The following SSBP3 variants were observed in gnomAD, a reference collection of about 807,000 sequenced individuals.
The protein encoded by SSBP3 is single stranded DNA binding protein 3, also known as single-stranded DNA-binding protein 3.
Under a neutral mutation model 69.6 loss-of-function variants are expected in SSBP3, and 5 were observed. That is an observed-to-expected ratio of 0.07 (90% CI 0.04 to 0.15). The LOEUF (loss-of-function observed/expected upper bound fraction) is 0.15. Ranked by LOEUF, SSBP3 falls within the 10% of genes least tolerant of loss-of-function variation. SSBP3 has a pLI of 1.00. For missense variants in SSBP3, 312 were observed against 534.0 expected (o/e 0.58, Z 4.10); for synonymous variants, 196 against 193.4 (o/e 1.01, Z -0.11).
At chr1:54,251,048 G>T (rs899472426) in intron 9 of SSBP3, among the ~76,000 whole-genome samples, 3 of 152,234 alleles carry the variant, frequency 2.0e-5, no homozygotes, top group African/African-American at 7.2e-5. Flanking sequence ...GGGTGCTGGG[G>T]TCCTGCCAGC....
rs869039822 is a variant in SSBP3, at chr1:54,337,485, C to CTTT, written c.277-55961_277-55959dup. Reference sequence around the variant, plus strand: ...ACCAAAGCATTTTGTTTTCCTCAAGCTTTTTTTTTTTTTTTTTTTTTTTTT... The same window carrying CTTT: ...ACCAAAGCATTTTGTTTTCCTCAAGCTTTTTTTTTTTTTTTTTTTTTTTTTTTT... On this transcript the variant is annotated intron_variant, in intron 4 of 17. Transcript: ENST00000610401. Among the ~76,000 whole-genome samples the CTTT allele has an allele frequency of 5.7e-3, 291 of 51,168 alleles. 57 individuals are homozygous for CTTT. The highest frequency in any genetic ancestry group is 0.011 in the Admixed American group (36 of 3,142). The allele number at this position is 51,168 out of a possible 152,430, so 33.6% of individuals were successfully genotyped here.
chr1:54,330,581 A>G (rs1238940900), intron 4 of SSBP3, among the ~76,000 whole-genome samples: 1 of 152,146 alleles, frequency 6.6e-6, no homozygotes, highest in Non-Finnish European at 1.5e-5. Context: ...AGTACACCCT[A>G]GGTTCCTCAT....
At chr1:54,235,857 G>A (rs1644482884) in intron 14 of SSBP3, among the ~76,000 whole-genome samples, 2 of 152,186 alleles carry the variant, frequency 1.3e-5, no homozygotes, top group Non-Finnish European at 2.9e-5. Flanking sequence ...CAAAATCCAA[G>A]TTGGATTCCA....
chr1:54,349,399 C>T (rs1646744708), intron 4 of SSBP3, among the ~76,000 whole-genome samples: 1 of 152,186 alleles, frequency 6.6e-6, no homozygotes, highest in Non-Finnish European at 1.5e-5. Context: ...ATCCAATGCC[C>T]TTAAGGTTAG....
At chr1:54,381,679 G>GTATC (rs1361094919) in intron 4 of SSBP3, among the ~76,000 whole-genome samples, 1 of 152,158 alleles carries the variant, frequency 6.6e-6, no homozygotes, top group East Asian at 1.9e-4. Context: ...GACCACAAAG[G>GTATC]TATCATTTAC....
chr1:54,408,122 T>C (rs1649896887), upstream of SSBP3, among the ~76,000 whole-genome samples: 2 of 152,120 alleles, frequency 1.3e-5, no homozygotes, highest in Non-Finnish European at 1.5e-5. Flanking sequence ...GGACTCACTC[T>C]GCTCCCTTCC....
chr1:54,277,125 T>G (rs560410621), intron 5 of SSBP3, among the ~76,000 whole-genome samples: 12 of 152,118 alleles, frequency 7.9e-5, no homozygotes, highest in Non-Finnish European at 1.5e-4. Context: ...CTTCTGTGAC[T>G]TCATCTCCCC....
intron 4 of SSBP3, among the ~76,000 whole-genome samples, chr1:54,304,666 A>G (rs973688636): frequency 3.9e-5 from 6 of 152,224 alleles, no homozygotes; most frequent in Non-Finnish European, 8.8e-5. Flanking sequence ...AACAAAGCAC[A>G]GTCCAGCGGG....
At chr1:54,251,799 T>C in exon 8 of SSBP3, 1 of 1,611,660 alleles carries the variant, frequency 6.2e-7, no homozygotes, top group Non-Finnish European at 8.5e-7. Context: ...TCTACCTTGT[T>C]GTCGTGTGGG....
intron 9 of SSBP3, among the ~76,000 whole-genome samples, chr1:54,251,318 A>G (rs1310934300): frequency 6.6e-6 from 1 of 152,146 alleles, no homozygotes; most frequent in Non-Finnish European, 1.5e-5. Flanking sequence ...TTCAGACCCC[A>G]TGATAGGCTA....
intron 4 of SSBP3, among the ~76,000 whole-genome samples, chr1:54,285,184 CAT>C (rs1240619854): frequency 7.9e-5 from 12 of 152,102 alleles, no homozygotes; most frequent in African/African-American, 1.9e-4. Flanking sequence ...ATGAAGCAAA[CAT>C]GTGCTCATAA....
In SSBP3 at chr1:54,384,105, C is replaced by CAAAAAAA. The variant is rs34137070; in HGVS notation, c.276+17749_276+17755dup. ...TGGGCAACAGTGCAAGACTCCATCT[C>CAAAAAAA]AAAAAAAAAAAAAAAAAAAAGCAAG... On this transcript the variant is annotated intron_variant, in intron 4 of 17. Coordinates refer to ENST00000610401, the Ensembl canonical transcript of SSBP3. Among the ~76,000 whole-genome samples, 115 of 94,094 alleles carry CAAAAAAA rather than the reference C, an allele frequency of 1.2e-3. 7 individuals are homozygous for CAAAAAAA. The South Asian group carries it at 0.023, about 19-fold the overall frequency. The allele number at this position is 94,094 out of a possible 152,430, so 61.7% of individuals were successfully genotyped here.
intron 5 of SSBP3, among the ~76,000 whole-genome samples, chr1:54,270,037 G>A (rs146438614): frequency 6.6e-6 from 1 of 152,342 alleles, no homozygotes; most frequent in East Asian, 1.9e-4. Flanking sequence ...GTATGCTGAA[G>A]GAAGGAATGA....
At chr1:54,239,265 G>A (rs1644561192) in intron 13 of SSBP3, 66 bp from the exon 14 acceptor site, 2 of 1,285,744 alleles carry the variant, frequency 1.6e-6, no homozygotes, top group Admixed American at 2.1e-5. Context: ...ACAAACTCAT[G>A]GCACTGGAAC....
intron 13 of SSBP3, among the ~76,000 whole-genome samples, chr1:54,240,083 T>C (rs1443127811): frequency 5.2e-4 from 37 of 71,316 alleles, no homozygotes; most frequent in African/African-American, 1.8e-3. Context: ...TGTGTGTGTG[T>C]GTGTGCGCGC....
intron 4 of SSBP3, among the ~76,000 whole-genome samples, chr1:54,352,711 T>C (rs1646800104): frequency 6.6e-6 from 1 of 152,226 alleles, no homozygotes; most frequent in Non-Finnish European, 1.5e-5. Flanking sequence ...TGATCAGCAC[T>C]GTGCTCACTG....
chr1:54,371,179 C>T (rs1167718227), intron 4 of SSBP3, among the ~76,000 whole-genome samples: 2 of 152,240 alleles, frequency 1.3e-5, no homozygotes, highest in Admixed American at 6.5e-5. Flanking sequence ...CATATCAGGT[C>T]GCCCTGCAGG....
At chr1:54,353,073 T>C (rs1266369540) in intron 4 of SSBP3, among the ~76,000 whole-genome samples, 1 of 152,192 alleles carries the variant, frequency 6.6e-6, no homozygotes, top group East Asian at 1.9e-4. Flanking sequence ...GCCATCCCCT[T>C]GGTTTCCTCG....
intron 4 of SSBP3, among the ~76,000 whole-genome samples, chr1:54,382,680 CA>C (rs140241422): frequency 0.041 from 6,206 of 152,196 alleles, 238 homozygotes; most frequent in African/African-American, 0.11. Context: ...GCCTGGATGG[CA>C]GGCTTAGAAA....
Sources: allele counts gnomAD v4.1 joint callset (sites outside exome capture counted in the v4.1 genomes callset), GRCh38; gene constraint gnomAD v4.1.1; transcripts MANE v1.5; gene names NCBI Gene and HGNC (gene_info 2026-07-23, HGNC 2026-07-21).